KIF15: variants seen among roughly 807,000 people sequenced by gnomAD.
The protein encoded by KIF15 is kinesin-like protein KIF15.
In KIF15, 140 loss-of-function variants were observed where a neutral mutation model predicts 190.6. The ratio of observed to expected loss-of-function variants is 0.73; its 90% CI spans 0.64 to 0.84. The LOEUF (loss-of-function observed/expected upper bound fraction) is 0.84. Ranked by LOEUF, KIF15 falls within the 40% of genes least tolerant of loss-of-function variation. The pLI is 0.00. For missense variants in KIF15, 1,372 were observed against 1,584.4 expected, an observed-to-expected ratio of 0.87 and a Z score of 2.28; for synonymous variants, 528 against 551.3, an observed-to-expected ratio of 0.96 and a Z score of 0.59.
In KIF15 at chr3:44,843,118, T is replaced by C; in HGVS notation, c.3586-7T>C. On this transcript the variant is annotated splice_region_variant and splice_polypyrimidine_tract_variant and intron_variant, in intron 29 of 34. Transcript: ENST00000326047. ...TTTTTTGAAAAGATACGATTTGATG[T>C]TATTAGGAGCAGTTGCGTGAAATGG... The C allele has an allele frequency of 1.9e-6, 3 of 1,599,208 alleles. No homozygotes were observed. The highest frequency in any genetic ancestry group is 2.6e-6 in the Non-Finnish European group (3 of 1,170,130).
At position 44,780,943 on chromosome 3, in the gene KIF15, G is replaced by A. The variant is rs568612528; in HGVS notation, c.361+21G>A. ...GATGGGTAAGTAAAGATTAACTTTT[G>A]TTGGCTTAATCTACTCTTTCTGTGA... On this transcript the variant is annotated intron_variant, in intron 5 of 34. Coordinates refer to ENST00000326047, the MANE Select transcript of KIF15 (RefSeq NM_020242.3). The A allele has an allele frequency of 5.1e-6, 8 of 1,571,980 alleles. No homozygotes were observed. The Admixed American group carries it at 6.8e-5, about 13-fold the overall frequency.
Position 44,801,973 on chromosome 3 carries a change from A to AAGTG in KIF15, c.1509+3_1509+6dup, listed in dbSNP as rs779157408. On this transcript the variant is annotated frameshift_variant and splice_region_variant, in exon 13 of 35. Transcript: ENST00000326047. LOFTEE classifies it high-confidence loss of function. ...AATGAGATTCAAACTCTGCGAGAACAAGTGAGTATACGGCATCTATAATAT... is the reference window on the plus strand; with the variant it reads ...AATGAGATTCAAACTCTGCGAGAACAAGTGAGTGAGTATACGGCATCTATAATAT... The AAGTG allele has an allele frequency of 6.3e-7, 1 of 1,599,718 alleles. No individual in the cohort carries two copies. Among genetic ancestry groups the AAGTG allele is most frequent in the Non-Finnish European group, 8.6e-7 (1 of 1,168,324 alleles).
intron 10 of KIF15, chr3:44,799,414 G>C: frequency 2.2e-6 from 1 of 448,498 alleles, no homozygotes; most frequent in Non-Finnish European, 4.5e-6. Flanking sequence ...AGACCTTGGG[G>C]CTGTCACAGG....
chr3:44,856,967 C>T (rs139299107), downstream of KIF15, among the ~76,000 whole-genome samples: 1,642 of 152,212 alleles, frequency 0.011, 24 homozygotes, highest in African/African-American at 0.036. Flanking sequence ...GAGGGCAGAG[C>T]GGTAGCCTCA....
Position 44,852,810 on chromosome 3 carries a change from G to A in KIF15, c.*75G>A. The A allele has an allele frequency of 8.4e-7, 1 of 1,194,464 alleles. No individual in the cohort carries two copies. The highest frequency in any genetic ancestry group is 1.2e-6 in the Non-Finnish European group (1 of 837,442). 74.0% of individuals were successfully genotyped at this position (1,194,464 alleles called of 1,614,324 possible). On this transcript the variant is annotated 3_prime_UTR_variant, in exon 35 of 35. Transcript: ENST00000326047. Reference sequence around the variant, plus strand: ...TCTTTTACAAGTAAGACCTACTCCTGGCCACTTAGGAGAGCTGAATTTATG... The same window carrying A: ...TCTTTTACAAGTAAGACCTACTCCTAGCCACTTAGGAGAGCTGAATTTATG...
At chr3:44,823,215 G>A (rs1697453331) in intron 20 of KIF15, among the ~76,000 whole-genome samples, 1 of 152,132 alleles carries the variant, frequency 6.6e-6, no homozygotes, top group African/African-American at 2.4e-5. Context: ...TTTTGTTGGT[G>A]TTGATGCTAT....
chr3:44,828,117 C>CTA, intron 23 of KIF15, 97 bp from the exon 24 acceptor site: 1 of 807,504 alleles, frequency 1.2e-6, no homozygotes, highest in East Asian at 2.7e-5. Flanking sequence ...AGCATAGACT[C>CTA]TATAATATGA....
At chr3:44,864,442 G>C (rs1699298839) in intron 6 of KIF15, 1 of 1,490,808 alleles carries the variant, frequency 6.7e-7, no homozygotes, top group Non-Finnish European at 9.2e-7. Context: ...GAAAGGACAG[G>C]AACTGAAGCA....
intron 19 of KIF15, 143 bp downstream of exon 19, chr3:44,813,323 G>A (rs1707880495): frequency 3.7e-6 from 2 of 535,576 alleles, no homozygotes; most frequent in Non-Finnish European, 6.4e-6. Context: ...ACTGCAGTTT[G>A]CATGCAGTGG....
chr3:44,763,781 G>T (rs2125886942), intron 1 of KIF15, among the ~76,000 whole-genome samples: 1 of 152,030 alleles, frequency 6.6e-6, no homozygotes, highest in Non-Finnish European at 1.5e-5. Context: ...TCCACCTCCT[G>T]GGTTCAAGCA....
In KIF15 at chr3:44,811,044, G is replaced by T. The variant is rs773948572; in HGVS notation, c.2169+1G>T. ...TTCTGAAGAGCTTAGAACAGTGCAG[G>T]TAATGTTTTGTTCTAGAAAAAATAA... On this transcript the variant is annotated splice_donor_variant, in intron 17 of 34. Transcript: ENST00000326047. LOFTEE classifies it high-confidence loss of function. The T allele has an allele frequency of 5.1e-6, 8 of 1,578,762 alleles. No homozygotes were observed. The highest frequency in any genetic ancestry group is 6.8e-6 in the Non-Finnish European group (8 of 1,168,508).
At chr3:44,766,755 T>C (rs963659908) in intron 1 of KIF15, among the ~76,000 whole-genome samples, 3 of 152,124 alleles carry the variant, frequency 2.0e-5, no homozygotes, top group Non-Finnish European at 2.9e-5. Context: ...GTTTGCTGTT[T>C]GTCTTTGGGA....
chr3:44,813,622 TTTGTTTTG>T (rs1707898632), intron 19 of KIF15, among the ~76,000 whole-genome samples: 1 of 124,622 alleles, frequency 8.0e-6, no homozygotes, highest in Non-Finnish European at 1.7e-5. Context: ...TTTTGTTTTG[TTTGTTTTG>T]TTTTTTTTTT....
At chr3:44,773,362 G>A (rs1705727075) in intron 1 of KIF15, among the ~76,000 whole-genome samples, 1 of 152,160 alleles carries the variant, frequency 6.6e-6, no homozygotes. Context: ...GGACTCTGTG[G>A]GCATGTGGCG....
intron 26 of KIF15, among the ~76,000 whole-genome samples, chr3:44,833,743 G>A (rs574447999): frequency 1.3e-5 from 2 of 152,168 alleles, no homozygotes; most frequent in Non-Finnish European, 2.9e-5. Context: ...GGCATAAGGT[G>A]TTGCAGAGAT....
At chr3:44,861,774 C>G in intron 6 of KIF15, 4 of 870,474 alleles carry the variant, frequency 4.6e-6, no homozygotes, top group Non-Finnish European at 6.8e-6. Context: ...CCACCTGGCC[C>G]GCCCCCTCCG....
chr3:44,816,146 C>A (rs1708022054), intron 20 of KIF15, among the ~76,000 whole-genome samples: 2 of 152,068 alleles, frequency 1.3e-5, no homozygotes, highest in South Asian at 4.2e-4. Context: ...ACATTTGTAA[C>A]CTTTCCTTGC....
At chr3:44,763,137 C>T (rs564932148) in intron 1 of KIF15, among the ~76,000 whole-genome samples, 7 of 152,152 alleles carry the variant, frequency 4.6e-5, no homozygotes, top group Non-Finnish European at 8.8e-5. Context: ...CTTTTCCACT[C>T]CTTTAAGTTT....
At chr3:44,772,326 A>C (rs974441033) in intron 1 of KIF15, among the ~76,000 whole-genome samples, 1 of 152,242 alleles carries the variant, frequency 6.6e-6, no homozygotes, top group African/African-American at 2.4e-5. Flanking sequence ...CTGGGGCTCC[A>C]TTAGGAAAAC....
Sources: gnomAD v4.1 joint callset for allele counts (sites outside exome capture counted in the v4.1 genomes callset) on GRCh38, gnomAD v4.1.1 for gene constraint, MANE v1.5 for transcripts, NCBI Gene and HGNC (gene_info 2026-07-23, HGNC 2026-07-21) for gene names.